RSPH3: variants seen among roughly 807,000 people sequenced by gnomAD.
The protein encoded by RSPH3 is radial spoke head 3, also known as radial spoke head protein 3 homolog.
In RSPH3, 21 loss-of-function variants were observed where a neutral mutation model predicts 43.8. The observed-to-expected ratio is 0.48, with a 90% confidence interval of 0.34 to 0.69. RSPH3 has a LOEUF of 0.69. Among genes scored for constraint, RSPH3 ranks in the 30% least tolerant of loss-of-function variants. The pLI, the probability that RSPH3 is intolerant of heterozygous loss-of-function variation, is 0.01. For synonymous variants in RSPH3, 173 were observed against 179.8 expected (o/e 0.96, Z 0.30); for missense variants, 487 against 516.0 (o/e 0.94, Z 0.54).
chr6:158,999,910 G>A lies in RSPH3; in HGVS notation c.-360C>T, dbSNP rs1378650577. ...TGACTCCGCCCAGCCGCGCCACCCA[G>A]GTAGGTGCGCCTGCGCTTTGCGAGG... On this transcript the variant is annotated 5_prime_UTR_variant, in exon 1 of 8. Coordinates refer to ENST00000367069, the MANE Select transcript of RSPH3 (RefSeq NM_031924.8). 1 of 1,612,908 alleles carries A rather than the reference G, an allele frequency of 6.2e-7. No individual in the cohort carries two copies. Among genetic ancestry groups the A allele is most frequent in the Admixed American group, 1.7e-5 (1 of 59,958 alleles).
downstream of RSPH3, among the ~76,000 whole-genome samples, chr6:158,970,856 C>T (rs1777687499): frequency 6.6e-6 from 1 of 152,096 alleles, no homozygotes; most frequent in South Asian, 2.1e-4. Context: ...AGCCAAATGT[C>T]AAAGCTTTTT....
the RSPH3 span, among the ~76,000 whole-genome samples, chr6:158,966,745 T>A: frequency 6.6e-6 from 1 of 151,716 alleles, no homozygotes; most frequent in African/African-American, 2.4e-5. Context: ...GTCAATTTTG[T>A]TAATCTTTGC....
rs1777892294 is a variant in RSPH3, at chr6:158,977,687, C to G, written c.1108G>C (p.Glu370Gln). The change falls in exon 8 of 8, where the codon GAG becomes CAG. Residue 370 changes from glutamate (E) to glutamine (Q), a missense_variant. Glu to Gln is a conservative substitution (Grantham distance 29, BLOSUM62 2). Transcript: ENST00000367069. ...FLEQSMSQTRELLLDGGYLQR... is the reference protein window; with the variant it reads ...FLEQSMSQTRQLLLDGGYLQR... ...AGGTAGCCTCCATCTAAAAGCAGCTCCCGTGTCTGTGACATGCTCTGCTCC... is the reference window on the plus strand; with the variant it reads ...AGGTAGCCTCCATCTAAAAGCAGCTGCCGTGTCTGTGACATGCTCTGCTCC... 3 of 1,614,146 alleles carry G rather than the reference C, an allele frequency of 1.9e-6. No individual in the cohort carries two copies.
At chr6:158,990,960 A>G (rs1047653216) in intron 2 of RSPH3, among the ~76,000 whole-genome samples, 2 of 150,912 alleles carry the variant, frequency 1.3e-5, no homozygotes, top group African/African-American at 2.4e-5. Flanking sequence ...TTCTTCTTCA[A>G]ATTTACTGAC....
downstream of RSPH3, among the ~76,000 whole-genome samples, chr6:158,969,085 A>G (rs1320931484): frequency 6.6e-6 from 1 of 152,248 alleles, no homozygotes; most frequent in Admixed American, 6.5e-5. Context: ...AATTATATAC[A>G]TATATACAGT....
intron 1 of RSPH3, among the ~76,000 whole-genome samples, chr6:158,997,108 C>T (rs1013841271): frequency 1.1e-4 from 17 of 152,162 alleles, no homozygotes; most frequent in African/African-American, 3.1e-4. Flanking sequence ...TATGAAACAA[C>T]AAGAAAAGCC....
chr6:158,990,774 TTC>T (rs1271228010), intron 2 of RSPH3, among the ~76,000 whole-genome samples: 19 of 152,298 alleles, frequency 1.2e-4, no homozygotes, highest in African/African-American at 4.6e-4. Context: ...TTGTGGAATT[TTC>T]AAGCACGATT....
chr6:158,968,247 T>G (rs759461704), downstream of RSPH3, among the ~76,000 whole-genome samples: 3 of 152,170 alleles, frequency 2.0e-5, no homozygotes, highest in Admixed American at 6.5e-5. Context: ...TATTTTTTAT[T>G]TTTTTGAGAT....
intron 2 of RSPH3, among the ~76,000 whole-genome samples, chr6:158,992,305 G>A (rs951507582): frequency 6.6e-6 from 1 of 151,872 alleles, no homozygotes; most frequent in African/African-American, 2.4e-5. Flanking sequence ...TTTGAGACAG[G>A]GTTTCCCTCT....
rs1267836412 is a variant in RSPH3, at chr6:158,975,568, A to C, written c.*1970T>G. On this transcript the variant is annotated 3_prime_UTR_variant, in exon 8 of 8. Transcript: ENST00000367069. ...GCTCCACTGCTAGGCTGTAAAAAAC[A>C]TGTAGTATTCGTGACTGTTCACCGC... is the stretch of plus-strand genomic sequence containing the variant. The C allele has an allele frequency of 6.6e-6, 1 of 152,200 alleles. No homozygotes were observed. The highest frequency in any genetic ancestry group is 1.5e-5 in the Non-Finnish European group (1 of 68,050). The allele number at this position is 152,200 out of a possible 1,614,324, so 9.4% of individuals were successfully genotyped here. A position where few individuals can be genotyped will look rare whatever the true frequency, so the allele number is the denominator to read the frequency against.
At chr6:158,978,407 T>C (rs976867214) in intron 6 of RSPH3, 61 bp from the exon 7 acceptor site, 1 of 814,968 alleles carries the variant, frequency 1.2e-6, no homozygotes, top group African/African-American at 1.7e-5. Flanking sequence ...GCTTTTCTCT[T>C]AATGTAATAG....
Position 158,982,537 on chromosome 6 carries a change from C to T in RSPH3, c.644G>A (p.Arg215His), listed in dbSNP as rs376153314. Residue 215 changes from arginine (R) to histidine (H), a missense_variant, in exon 5 of 8, where the codon CGT becomes CAT. Arg to His is a conservative substitution (Grantham distance 29). Transcript: ENST00000367069. ...REYEELRNSERAEVQRLEEQE... is the reference protein window; with the variant it reads ...REYEELRNSEHAEVQRLEEQE... Reference sequence around the variant, plus strand: ...CTCTTCAAGTCGTTGAACTTCAGCACGTTCACTATTCCGTAGTTCTTCATA... The same window carrying T: ...CTCTTCAAGTCGTTGAACTTCAGCATGTTCACTATTCCGTAGTTCTTCATA... 63 of 1,613,164 alleles carry T rather than the reference C, an allele frequency of 3.9e-5. No homozygotes were observed. Among genetic ancestry groups the T allele is most frequent in the Non-Finnish European group, 5.2e-5 (61 of 1,179,754 alleles).
At chr6:158,971,852 T>C (rs1209681412), downstream of RSPH3, among the ~76,000 whole-genome samples, 1 of 152,202 alleles carries the variant, frequency 6.6e-6, no homozygotes, top group African/African-American at 2.4e-5. Flanking sequence ...ATTACACCTA[T>C]AGTTGTCTAC....
In RSPH3 at chr6:158,975,083, C is replaced by T. The variant is rs1263772353; in HGVS notation, c.*2455G>A. ...CTTGATCTCCTGACCTTGTGATCCG[C>T]CTGCCTCGGCCTCCCAAAGTGCTGG... On this transcript the variant is annotated 3_prime_UTR_variant, in exon 8 of 8. Coordinates refer to ENST00000367069, the MANE Select transcript of RSPH3 (RefSeq NM_031924.8). 1 of 152,174 alleles carries T rather than the reference C, an allele frequency of 6.6e-6. No homozygotes were observed. The highest frequency in any genetic ancestry group is 2.4e-5 in the African/African-American group (1 of 41,436). 9.4% of individuals were successfully genotyped at this position (152,174 alleles called of 1,614,324 possible).
chr6:158,970,592 C>T (rs1302139306), downstream of RSPH3, among the ~76,000 whole-genome samples: 1 of 151,730 alleles, frequency 6.6e-6, no homozygotes, highest in East Asian at 1.9e-4. Flanking sequence ...GTCACCTGGG[C>T]TGGAGTGCAG....
intron 2 of RSPH3, chr6:158,990,366 A>T (rs117376341): frequency 0.018 from 2,710 of 152,214 alleles, 34 homozygotes; most frequent in Middle Eastern, 0.024. Context: ...TTCTTCCTTC[A>T]ACTTGAGCTT....
At chr6:158,996,311 A>C (rs1422312801) in intron 1 of RSPH3, among the ~76,000 whole-genome samples, 1 of 152,204 alleles carries the variant, frequency 6.6e-6, no homozygotes, top group Non-Finnish European at 1.5e-5. Context: ...TGATCACCCA[A>C]CTACCAAGAA....
At position 158,973,370 on chromosome 6, in the gene RSPH3, A is replaced by G. The variant is rs2128604036; in HGVS notation, c.*4168T>C. The G allele has an allele frequency of 6.6e-6, 1 of 152,338 alleles. No individual in the cohort carries two copies. The highest frequency in any genetic ancestry group is 2.4e-5 in the African/African-American group (1 of 41,578). 9.4% of individuals were successfully genotyped at this position (152,338 alleles called of 1,614,324 possible). Reference sequence around the variant, plus strand: ...TTCTAGGATAGAAGAAATTGGTACCATTAACATTTGGATGGTTATGGTACC... The same window carrying G: ...TTCTAGGATAGAAGAAATTGGTACCGTTAACATTTGGATGGTTATGGTACC... On this transcript the variant is annotated 3_prime_UTR_variant, in exon 8 of 8. Coordinates refer to ENST00000367069, the MANE Select transcript of RSPH3 (RefSeq NM_031924.8).
intron 1 of RSPH3, among the ~76,000 whole-genome samples, chr6:158,996,036 A>G (rs1778583270): frequency 2.0e-5 from 3 of 152,070 alleles, no homozygotes; most frequent in Admixed American, 6.5e-5. Flanking sequence ...ACCACATAAC[A>G]TGTTCACAGG....
Sources: gnomAD v4.1 joint callset for allele counts (sites outside exome capture counted in the v4.1 genomes callset) on GRCh38, gnomAD v4.1.1 for gene constraint, MANE v1.5 for transcripts, NCBI Gene and HGNC (gene_info 2026-07-23, HGNC 2026-07-21) for gene names.